Variants in MTRR observed in about 807,000 individuals in gnomAD.
MTRR encodes methionine synthase reductase.
In MTRR, 63 loss-of-function variants were observed where a neutral mutation model predicts 79.2. The ratio of observed to expected loss-of-function variants is 0.80; its 90% CI spans 0.65 to 0.98. The LOEUF (loss-of-function observed/expected upper bound fraction) is 0.98. Among genes scored for constraint, MTRR ranks in the 50% least tolerant of loss-of-function variants. The pLI is 0.00. For missense variants in MTRR, 895 were observed against 839.6 expected (o/e 1.07, Z -0.82); for synonymous variants, 355 against 313.3 (o/e 1.13, Z -1.41).
At chr5:7,861,439 G>T in intron 1 of MTRR, 2 of 633,710 alleles carry the variant, frequency 3.2e-6, no homozygotes, top group East Asian at 3.1e-5. Context: ...ATATTACAAG[G>T]AATTTCCCAA....
chr5:7,878,278 C>T lies in MTRR; in HGVS notation c.736C>T (p.Pro246Ser). ...SQASLNIPGLPPEYLQVHLQE... is the reference protein window; with the variant it reads ...SQASLNIPGLSPEYLQVHLQE... ...AGCCTCTCTGAATATTCCTGGTTTA[C>T]CCCCAGAATATTTACAGGTACATCT... The change falls in exon 5 of 15, where the codon CCC becomes TCC. Residue 246 changes from proline to serine, a missense_variant. Transcript: ENST00000440940. 3.1e-6 allele frequency: 5 copies of T among 1,614,154 alleles called. No individual in the cohort carries two copies. The highest frequency in any genetic ancestry group is 4.2e-6 in the Non-Finnish European group (5 of 1,180,002).
chr5:7,878,490 G>A lies in MTRR; in HGVS notation c.780+168G>A, dbSNP rs57937475. Among the ~76,000 whole-genome samples the A allele has an allele frequency of 0.18, 27,190 of 152,234 alleles. 3,362 individuals carry two copies. Among genetic ancestry groups the A allele is most frequent in the African/African-American group, 0.32 (13,303 of 41,516 alleles). Reference sequence around the variant, plus strand: ...ATAGATTTTACTGGAACACAGCCATGCCTATTCATTTAGGTAGTGTCTATG... The same window carrying A: ...ATAGATTTTACTGGAACACAGCCATACCTATTCATTTAGGTAGTGTCTATG... On this transcript the variant is annotated intron_variant, in intron 5 of 14. Coordinates refer to ENST00000440940, the MANE Select transcript of MTRR (RefSeq NM_002454.3).
intron 1 of MTRR, among the ~76,000 whole-genome samples, chr5:7,855,126 C>T (rs1746202141): frequency 6.6e-6 from 1 of 152,140 alleles, no homozygotes; most frequent in Non-Finnish European, 1.5e-5. Flanking sequence ...GAAAGAGTAG[C>T]AGTTAGAGAC....
At position 7,885,740 on chromosome 5, in the gene MTRR, G is replaced by A. The variant is rs773646971; in HGVS notation, c.943G>A (p.Val315Met). Residue 315 changes from valine to methionine, a missense_variant, in exon 7 of 15, where the codon GTG (valine) becomes ATG (methionine). Physicochemically the swap from Val to Met is conservative, Grantham distance 21. Coordinates refer to ENST00000440940, the MANE Select transcript of MTRR (RefSeq NM_002454.3). ...CTATCAGCCTGGAGATGCCTTCAGC[G>A]TGATCTGCCCTAACAGTGATTCTGA... ...FSYQPGDAFS[V>M]ICPNSDSEVQ... 1.9e-5 allele frequency: 30 copies of A among 1,612,980 alleles called. No individual in the cohort carries two copies. The highest frequency in any genetic ancestry group is 5.0e-5 in the Admixed American group (3 of 59,902).
chr5:7,861,294 A>AT (rs764537344), intron 1 of MTRR: 1 of 1,248,750 alleles, frequency 8.0e-7, no homozygotes, highest in Non-Finnish European at 1.1e-6. Flanking sequence ...AAAATACTTA[A>AT]TTTTTTAAAT....
At chr5:7,868,203 A>G (rs1163439242), upstream of MTRR, 5 of 94,316 alleles carry the variant, frequency 5.3e-5, no homozygotes, top group African/African-American at 7.8e-4. Context: ...GTATCTGGAA[A>G]AAAAAAAAAA....
chr5:7,892,978 A>T, intron 11 of MTRR, 65 bp downstream of exon 11: 1 of 1,517,096 alleles, frequency 6.6e-7, no homozygotes, highest in Non-Finnish European at 9.0e-7. Flanking sequence ...TAGAAAAAAC[A>T]GTGTTGTCTC....
intron 7 of MTRR, 127 bp from the exon 8 acceptor site, chr5:7,886,488 G>T (rs1736456022): frequency 2.6e-6 from 2 of 758,642 alleles, no homozygotes; most frequent in Non-Finnish European, 4.6e-6. Flanking sequence ...AATAAACATT[G>T]CCACAAGTCA....
intron 1 of MTRR, chr5:7,859,084 T>A (rs1350282138): frequency 6.4e-6 from 1 of 155,322 alleles, no homozygotes; most frequent in Middle Eastern, 2.9e-3. Flanking sequence ...AGAGAAAAAA[T>A]TTCCTCCATC....
chr5:7,858,828 A>C (rs1746341225), intron 1 of MTRR, among the ~76,000 whole-genome samples: 1 of 151,972 alleles, frequency 6.6e-6, no homozygotes, highest in Non-Finnish European at 1.5e-5. Flanking sequence ...ATGACAATTT[A>C]ATTCATTCTT....
At chr5:7,851,210 G>C (rs1319986856) in exon 1 of MTRR, 1 of 563,186 alleles carries the variant, frequency 1.8e-6, no homozygotes, top group Non-Finnish European at 2.6e-6. Flanking sequence ...AGGGTGGAGC[G>C]ACCCTCCCCT....
At chr5:7,868,204 A>T, upstream of MTRR, 42 of 149,140 alleles carry the variant, frequency 2.8e-4, no homozygotes, top group Admixed American at 4.7e-4. Context: ...TATCTGGAAA[A>T]AAAAAAAAAA....
chr5:7,868,981 C>G (rs1164256792), upstream of MTRR: 4 of 859,174 alleles, frequency 4.7e-6, no homozygotes, highest in Non-Finnish European at 7.8e-6. Flanking sequence ...ACACCTACCG[C>G]GCTCTGCCGG....
At chr5:7,878,364 T>C (rs1734946024) in intron 5 of MTRR, 42 bp downstream of exon 5, 1 of 1,608,086 alleles carries the variant, frequency 6.2e-7, no homozygotes. Flanking sequence ...TATTTAATCA[T>C]GGATGTTTGC....
At chr5:7,883,325 G>A in intron 6 of MTRR, 48 bp downstream of exon 6, 3 of 1,612,442 alleles carry the variant, frequency 1.9e-6, no homozygotes, top group Non-Finnish European at 2.5e-6. Flanking sequence ...GTCAGGATGT[G>A]CAGAAAGAGT....
intron 9 of MTRR, among the ~76,000 whole-genome samples, chr5:7,889,984 C>T (rs1463537698): frequency 6.6e-6 from 1 of 152,176 alleles, no homozygotes; most frequent in Non-Finnish European, 1.5e-5. Context: ...CTCTCTGTGG[C>T]TCTCAGGAAG....
intron 1 of MTRR, chr5:7,856,674 G>A (rs908581109): frequency 3.9e-5 from 6 of 151,946 alleles, no homozygotes; most frequent in African/African-American, 1.5e-4. Flanking sequence ...CAGCCCTAAG[G>A]GGATAATTTG....
At chr5:7,891,338 G>GAAT in intron 9 of MTRR, 34 bp from the exon 10 acceptor site, 1 of 817,322 alleles carries the variant, frequency 1.2e-6, no homozygotes, top group Non-Finnish European at 2.0e-6. Context: ...CAGTAGTAGT[G>GAAT]AATTAATAAT....
chr5:7,900,244 C>G lies in MTRR; in HGVS notation c.*186C>G. ...TTCCTGATTTGATTTTACGTATCTT[C>G]TATCTACGCCCTTCCTGTGCCTGTG... On this transcript the variant is annotated 3_prime_UTR_variant, in exon 15 of 15. Transcript: ENST00000440940. 1.5e-6 allele frequency: 1 copy of G among 667,172 alleles called. No individual in the cohort carries two copies. Among genetic ancestry groups the G allele is most frequent in the Non-Finnish European group, 2.5e-6 (1 of 407,616 alleles). 41.3% of individuals were successfully genotyped at this position (667,172 alleles called of 1,614,324 possible). A position where few individuals can be genotyped will look rare whatever the true frequency, so the allele number is the denominator to read the frequency against.
Sources: gnomAD v4.1 joint callset for allele counts (sites outside exome capture counted in the v4.1 genomes callset) on GRCh38, gnomAD v4.1.1 for gene constraint, MANE v1.5 for transcripts, NCBI Gene and HGNC (gene_info 2026-07-23, HGNC 2026-07-21) for gene names.